LARGE1: variants seen among roughly 807,000 people sequenced by gnomAD.
LARGE1 encodes the protein LARGE xylosyl- and glucuronyltransferase 1, also known as xylosyl- and glucuronyltransferase LARGE1.
Under a neutral mutation model 87.6 loss-of-function variants are expected in LARGE1, and 43 were observed. The observed-to-expected ratio is 0.49, with a 90% CI of 0.38 to 0.63. The LOEUF is 0.63. Among genes scored for constraint, LARGE1 ranks in the 30% least tolerant of loss-of-function variants. The pLI is 0.00. For missense variants in LARGE1, 802 were observed against 1,000.2 expected (o/e 0.80, Z 2.67); for synonymous variants, 434 against 394.6 (o/e 1.10, Z -1.18).
chr22:33,189,912 A>G (rs979790192), intron 11 of LARGE1, among the ~76,000 whole-genome samples: 4 of 152,356 alleles, frequency 2.6e-5, no homozygotes, highest in Admixed American at 2.6e-4. Flanking sequence ...GGCTTGCTGC[A>G]TCTAAGCTTT....
intron 9 of LARGE1, among the ~76,000 whole-genome samples, chr22:33,379,162 A>AGTGG (rs2147086849): frequency 7.0e-6 from 1 of 142,246 alleles, no homozygotes; most frequent in Admixed American, 7.1e-5. Flanking sequence ...TGGAACTTTC[A>AGTGG]GTGGGGAAGT....
the LARGE1 span, among the ~76,000 whole-genome samples, chr22:33,088,491 G>A: frequency 6.6e-6 from 1 of 152,152 alleles, no homozygotes; most frequent in African/African-American, 2.4e-5. Flanking sequence ...TGTGCCAGTA[G>A]GAAATCTGTC....
intron 11 of LARGE1, among the ~76,000 whole-genome samples, chr22:33,254,995 C>T (rs369215664): frequency 3.1e-4 from 46 of 147,668 alleles, no homozygotes; most frequent in Middle Eastern, 3.5e-3. Context: ...TGGAGTGCAG[C>T]GGCGAGATCT....
At chr22:33,891,052 ATATGGGAAGCTGCATACG>A (rs1188036434) in intron 1 of LARGE1, among the ~76,000 whole-genome samples, 3,321 of 149,720 alleles carry the variant, frequency 0.022, 130 homozygotes, top group African/African-American at 0.077. Context: ...GGTTCTGTGC[ATATGGGAAGCTGCATACG>A]GTTCTGTGAA....
chr22:33,671,659 TG>T (rs1419378725), intron 2 of LARGE1, among the ~76,000 whole-genome samples: 1 of 152,242 alleles, frequency 6.6e-6, no homozygotes, highest in Non-Finnish European at 1.5e-5. Context: ...CTTAACTTCA[TG>T]ATGCAATATG....
chr22:33,458,230 C>A (rs2068220207), intron 6 of LARGE1, among the ~76,000 whole-genome samples: 1 of 150,638 alleles, frequency 6.6e-6, no homozygotes, highest in Non-Finnish European at 1.5e-5. Context: ...CCTCAGCCTC[C>A]CAGTAGCTGG....
chr22:33,435,856 A>AT (rs1170703586), intron 6 of LARGE1, among the ~76,000 whole-genome samples: 2 of 152,204 alleles, frequency 1.3e-5, no homozygotes, highest in East Asian at 3.8e-4. Context: ...AATTAGCAAC[A>AT]TGATAGTTAG....
intron 2 of LARGE1, among the ~76,000 whole-genome samples, chr22:33,748,095 A>G (rs1393098335): frequency 6.7e-6 from 1 of 149,238 alleles, no homozygotes; most frequent in African/African-American, 2.5e-5. Flanking sequence ...GAAAGAAGGA[A>G]TCTTGGCATG....
At chr22:33,838,003 T>C (rs181249906) in intron 1 of LARGE1, among the ~76,000 whole-genome samples, 1 of 152,172 alleles carries the variant, frequency 6.6e-6, no homozygotes, top group Non-Finnish European at 1.5e-5. Context: ...ATCACTGTAG[T>C]AGGAAAGCAA....
At chr22:33,844,583 G>A (rs1164872472) in intron 1 of LARGE1, among the ~76,000 whole-genome samples, 2 of 152,124 alleles carry the variant, frequency 1.3e-5, no homozygotes, top group South Asian at 2.1e-4. Flanking sequence ...ACTGGGGACC[G>A]GCATGACTGA....
chr22:33,909,868 C>T (rs2065577495), intron 1 of LARGE1, among the ~76,000 whole-genome samples: 1 of 152,178 alleles, frequency 6.6e-6, no homozygotes, highest in South Asian at 2.1e-4. Context: ...CAACTCCTTG[C>T]TAACAGAAAC....
chr22:33,253,473 A>G (rs564390816), intron 11 of LARGE1, among the ~76,000 whole-genome samples: 2 of 152,298 alleles, frequency 1.3e-5, no homozygotes, highest in South Asian at 2.1e-4. Flanking sequence ...GCACTTTGGG[A>G]GGCCCAGGTG....
intron 6 of LARGE1, among the ~76,000 whole-genome samples, chr22:33,453,734 G>A (rs144961634): frequency 4.6e-4 from 70 of 152,174 alleles, no homozygotes; most frequent in African/African-American, 1.5e-3. Flanking sequence ...ACCTAGGAAC[G>A]GACTTTGTTC....
intron 4 of LARGE1, among the ~76,000 whole-genome samples, chr22:33,622,047 T>C (rs2079770408): frequency 1.3e-5 from 2 of 152,102 alleles, no homozygotes; most frequent in Admixed American, 6.5e-5. Flanking sequence ...AGTTTTGGGA[T>C]GATTGAAGTG....
intron 12 of LARGE1, among the ~76,000 whole-genome samples, chr22:33,288,115 C>T (rs73399551): frequency 0.012 from 1,894 of 152,302 alleles, 33 homozygotes; most frequent in African/African-American, 0.043. Context: ...CAGGCTATGG[C>T]GCCCAGTTAC....
At chr22:33,071,765 G>A in the LARGE1 span, among the ~76,000 whole-genome samples, 8 of 152,300 alleles carry the variant, frequency 5.3e-5, no homozygotes, top group East Asian at 1.5e-3. Flanking sequence ...ATCTGTACTG[G>A]AAACTAGTTA....
intron 9 of LARGE1, among the ~76,000 whole-genome samples, chr22:33,348,247 A>G (rs1160867568): frequency 6.6e-6 from 1 of 151,272 alleles, no homozygotes; most frequent in East Asian, 2.0e-4. Flanking sequence ...AGCCTGGGCA[A>G]CAGAGTGAGA....
chr22:33,305,984 G>A (rs1379177705), intron 11 of LARGE1, among the ~76,000 whole-genome samples: 1 of 151,684 alleles, frequency 6.6e-6, no homozygotes, highest in African/African-American at 2.4e-5. Flanking sequence ...GATTACAGCC[G>A]CCCGCTACCA....
intron 1 of LARGE1, among the ~76,000 whole-genome samples, chr22:33,799,529 C>G (rs113045928): frequency 6.6e-6 from 1 of 152,110 alleles, no homozygotes; most frequent in African/African-American, 2.4e-5. Context: ...CAACCTCCCC[C>G]TCCTGGGTTC....
Sources: gnomAD v4.1 joint callset for allele counts (sites outside exome capture counted in the v4.1 genomes callset) on GRCh38, gnomAD v4.1.1 for gene constraint, MANE v1.5 for transcripts, NCBI Gene and HGNC (gene_info 2026-07-23, HGNC 2026-07-21) for gene names.